The following CYLC2 variants were observed in gnomAD, a reference collection of about 807,000 sequenced individuals.
CYLC2 encodes cylicin-2.
Under a neutral mutation model 26.1 loss-of-function variants are expected in CYLC2, and 30 were observed. The observed-to-expected ratio is 1.15, with a 90% CI of 0.86 to 1.56. The LOEUF is 1.56. Ranked by LOEUF, CYLC2 falls within the 40% of genes most tolerant of loss-of-function variation. The pLI is 0.00. For synonymous variants in CYLC2, 158 were observed against 132.8 expected, an observed-to-expected ratio of 1.19 and a Z score of -1.31; for missense variants, 498 against 394.4, an observed-to-expected ratio of 1.26 and a Z score of -2.23.
At chr9:103,015,293 T>A (rs1484930513) in intron 6 of CYLC2, among the ~76,000 whole-genome samples, 1 of 130,248 alleles carries the variant, frequency 7.7e-6, no homozygotes, top group African/African-American at 2.8e-5. Context: ...TATAATATAA[T>A]TATATGTTAT....
intron 5 of CYLC2, chr9:103,010,895 T>C (rs1179960806): frequency 1.3e-5 from 2 of 151,916 alleles, no homozygotes; most frequent in African/African-American, 2.4e-5. Context: ...AAAATATGCA[T>C]AGAATCCTAG....
intron 5 of CYLC2, among the ~76,000 whole-genome samples, chr9:103,011,091 A>G (rs1323576781): frequency 6.6e-6 from 1 of 152,104 alleles, no homozygotes; most frequent in East Asian, 1.9e-4. Flanking sequence ...CCTCCAAGAT[A>G]AGGACTTCCT....
intron 1 of CYLC2, among the ~76,000 whole-genome samples, chr9:103,001,244 T>C (rs1829285431): frequency 6.7e-6 from 1 of 149,830 alleles, no homozygotes; most frequent in African/African-American, 2.4e-5. Flanking sequence ...TTTTGTAATT[T>C]TTTTAAATGT....
At chr9:103,018,156 AT>A (rs1021578783) in intron 7 of CYLC2, among the ~76,000 whole-genome samples, 168 bp from the exon 8 acceptor site, 8 of 152,022 alleles carry the variant, frequency 5.3e-5, no homozygotes, top group Non-Finnish European at 1.0e-4. Context: ...ATTTGTACTC[AT>A]TTTTTGGTAG....
intron 6 of CYLC2, among the ~76,000 whole-genome samples, chr9:103,014,518 AATATATGCAATATACATC>A (rs1235848096): frequency 3.5e-5 from 5 of 141,424 alleles, no homozygotes; most frequent in African/African-American, 1.3e-4. Context: ...TAATATACAT[AATATATGCAATATACATC>A]ATATGTATAT....
At chr9:103,010,232 A>G (rs527970093) in intron 5 of CYLC2, among the ~76,000 whole-genome samples, 37 of 152,208 alleles carry the variant, frequency 2.4e-4, no homozygotes, top group Non-Finnish European at 4.0e-4. Context: ...ATACCAAATT[A>G]CTTTATAATC....
At chr9:102,996,013 G>A (rs1026039271) in intron 1 of CYLC2, among the ~76,000 whole-genome samples, 60 of 151,990 alleles carry the variant, frequency 3.9e-4, no homozygotes, top group African/African-American at 1.3e-3. Flanking sequence ...TAAAGAGCAC[G>A]TTTCAATTCT....
intron 6 of CYLC2, among the ~76,000 whole-genome samples, chr9:103,014,396 TA>T (rs1829463449): frequency 1.7e-5 from 2 of 115,844 alleles, no homozygotes; most frequent in African/African-American, 6.2e-5. Flanking sequence ...TAATATAACA[TA>T]ATGTATGTTA....
chr9:102,996,939 G>C (rs914331521), intron 1 of CYLC2, among the ~76,000 whole-genome samples: 2 of 151,894 alleles, frequency 1.3e-5, no homozygotes, highest in African/African-American at 4.8e-5. Context: ...TAAGATTTCT[G>C]AAACAGGTAG....
At chr9:102,999,273 T>A (rs1165034547) in intron 1 of CYLC2, among the ~76,000 whole-genome samples, 1 of 151,920 alleles carries the variant, frequency 6.6e-6, no homozygotes, top group Non-Finnish European at 1.5e-5. Flanking sequence ...TATAGAAATA[T>A]ACTTCATTTA....
At chr9:103,010,727 T>C (rs1277892272) in intron 5 of CYLC2, 11 of 152,098 alleles carry the variant, frequency 7.2e-5, no homozygotes, top group Admixed American at 7.2e-4. Context: ...AAGAAGGCAG[T>C]TGTTCTATTC....
Position 103,012,082 on chromosome 9 carries a change from G to A in CYLC2, c.*801G>A, listed in dbSNP as rs1829412947. The A allele has an allele frequency of 6.7e-6, 1 of 149,218 alleles. No homozygotes were observed. Among genetic ancestry groups the A allele is most frequent in the South Asian group, 2.1e-4 (1 of 4,734 alleles). 9.2% of individuals were successfully genotyped at this position (149,218 alleles called of 1,614,324 possible). A position where few individuals can be genotyped will look rare whatever the true frequency, so the allele number is the denominator to read the frequency against. Reference sequence around the variant, plus strand: ...TGATTCTCCTGCCTCAGCCTCTCTGGTAGCTGGGATTACAGGTATGCATCA... The same window carrying A: ...TGATTCTCCTGCCTCAGCCTCTCTGATAGCTGGGATTACAGGTATGCATCA... On this transcript the variant is annotated 3_prime_UTR_variant, in exon 6 of 8. Transcript: ENST00000374798.
chr9:103,016,766 C>G (rs941611275), intron 6 of CYLC2, 122 bp from the exon 7 acceptor site: 4 of 151,910 alleles, frequency 2.6e-5, no homozygotes, highest in African/African-American at 7.3e-5. Context: ...GGTAAAGTAA[C>G]TTAATGGCAT....
At position 103,000,295 on chromosome 9, in the gene CYLC2, A is replaced by G. The variant is rs539271081; in HGVS notation, c.18-1283A>G. ...TTTCAAATTCAATTGCTGGGTGATT[A>G]AATAATATGTCCTAGCAATTATAGA... On this transcript the variant is annotated intron_variant, in intron 1 of 7. Coordinates refer to ENST00000374798, the MANE Select transcript of CYLC2 (RefSeq NM_001340.5). Among the ~76,000 whole-genome samples, 370 of 152,122 alleles carry G rather than the reference A, an allele frequency of 2.4e-3. 1 individual carries two copies. The highest frequency in any genetic ancestry group is 7.9e-3 in the Admixed American group (121 of 15,264).
chr9:102,995,438 T>TTAGCTTCCC, intron 1 of CYLC2, 41 bp downstream of exon 1: 1 of 1,458,388 alleles, frequency 6.9e-7, no homozygotes. Context: ...GAAATACTCG[T>TTAGCTTCCC]TAGCTTTACA....
At chr9:103,013,223 T>C (rs1231983618) in intron 6 of CYLC2, among the ~76,000 whole-genome samples, 2 of 70,604 alleles carry the variant, frequency 2.8e-5, no homozygotes, top group Admixed American at 4.0e-4. Context: ...TTAATATGTA[T>C]ATTATAAACA....
At chr9:103,017,740 G>C (rs1389943675) in intron 7 of CYLC2, among the ~76,000 whole-genome samples, 1 of 151,944 alleles carries the variant, frequency 6.6e-6, no homozygotes, top group Admixed American at 6.6e-5. Context: ...CCACAGACGG[G>C]GTAGCTTAAA....
intron 5 of CYLC2, among the ~76,000 whole-genome samples, chr9:103,008,274 G>A (rs1107538): frequency 0.73 from 110,883 of 151,860 alleles, 40,844 homozygotes; most frequent in South Asian, 0.93. Context: ...ACTGAGGTGC[G>A]CCATCACTAA....
intron 5 of CYLC2, among the ~76,000 whole-genome samples, chr9:103,009,888 T>C (rs1453284619): frequency 3.3e-5 from 5 of 151,198 alleles, no homozygotes; most frequent in Non-Finnish European, 7.4e-5. Context: ...TATACAAACA[T>C]ACATATGTGT....
Sources: gnomAD v4.1 joint callset for allele counts (sites outside exome capture counted in the v4.1 genomes callset) on GRCh38, gnomAD v4.1.1 for gene constraint, MANE v1.5 for transcripts, NCBI Gene and HGNC (gene_info 2026-07-23, HGNC 2026-07-21) for gene names.